The following LMAN1 variants were observed in gnomAD, a reference collection of about 807,000 sequenced individuals.
LMAN1 encodes lectin, mannose binding 1, also known as protein ERGIC-53.
Under a neutral mutation model 67.8 loss-of-function variants are expected in LMAN1, and 32 were observed. That is an observed-to-expected ratio of 0.47 (90% CI 0.36 to 0.63). The LOEUF is 0.63. LMAN1 is among the 30% of genes least tolerant of loss of function. LMAN1 has a pLI of 0.00. For synonymous variants in LMAN1, 235 were observed against 219.3 expected (o/e 1.07, Z -0.63); for missense variants, 632 against 628.2 (o/e 1.01, Z -0.06).
chr18:59,359,042 G>A lies in LMAN1; in HGVS notation c.203C>T (p.Ala68Val), dbSNP rs1908733104. Reference protein sequence around the residue: ...VQSDGTVPFWAHAGNAIPSSD... With the variant: ...VQSDGTVPFWVHAGNAIPSSD... ...CTGCTCCGGCTTACTCCCCGCGTGG[G>A]CCCAGAAGGGCACGGTCCCGTCGCT... Residue 68 changes from alanine to valine, a missense_variant, in exon 1 of 13, where the codon GCC becomes GTC. Coordinates refer to ENST00000251047, the MANE Select transcript of LMAN1 (RefSeq NM_005570.4). 1 of 1,613,942 alleles carries A rather than the reference G, an allele frequency of 6.2e-7. No individual in the cohort carries two copies. Among genetic ancestry groups the A allele is most frequent in the Non-Finnish European group, 8.5e-7 (1 of 1,179,972 alleles).
intron 7 of LMAN1, among the ~76,000 whole-genome samples, chr18:59,347,087 C>T (rs1014047413): frequency 2.6e-5 from 4 of 151,764 alleles, no homozygotes; most frequent in African/African-American, 7.2e-5. Flanking sequence ...AGAAATTAGC[C>T]GGGTGTGGTG....
At chr18:59,344,996 A>G (rs1908368046) in intron 8 of LMAN1, among the ~76,000 whole-genome samples, 1 of 152,190 alleles carries the variant, frequency 6.6e-6, no homozygotes, top group Non-Finnish European at 1.5e-5. Flanking sequence ...GATCGGGGTG[A>G]TGGTTAAATG....
chr18:59,355,389 T>A lies in LMAN1; in HGVS notation c.401A>T (p.Glu134Val), dbSNP rs1908637564. Reference sequence around the variant, plus strand: ...ATCAGCTGATCCAAACACAGGGCCCTCCAAGCCTTGATTTTCTGCATACCA... The same window carrying A: ...ATCAGCTGATCCAAACACAGGGCCCACCAAGCCTTGATTTTCTGCATACCA... The part of the protein sequence containing the change: ...AIWYAENQGL[E>V]GPVFGSADLW... Residue 134 changes from glutamate (E) to valine (V), a missense_variant, in exon 3 of 13, where the codon GAG becomes GTG. Coordinates refer to ENST00000251047, the MANE Select transcript of LMAN1 (RefSeq NM_005570.4). 1.9e-6 allele frequency: 3 copies of A among 1,612,078 alleles called. No individual in the cohort carries two copies. In the South Asian group the frequency reaches 3.3e-5, roughly 18 times the overall value.
intron 5 of LMAN1, among the ~76,000 whole-genome samples, chr18:59,350,731 G>A (rs1272270591): frequency 6.6e-6 from 1 of 151,998 alleles, no homozygotes; most frequent in Admixed American, 6.6e-5. Context: ...TCCTGACCTC[G>A]TGATCCGCCC....
intron 8 of LMAN1, among the ~76,000 whole-genome samples, chr18:59,343,714 G>C (rs1908338360): frequency 6.6e-6 from 1 of 152,008 alleles, no homozygotes; most frequent in African/African-American, 2.4e-5. Flanking sequence ...GAAAACTGAG[G>C]AAAGACTCTT....
rs1196959346 is a variant in LMAN1 at position 59,345,921 on chromosome 18, G to C, written c.953C>G (p.Pro318Arg). Residue 318 changes from proline (P) to arginine (R), a missense_variant and splice_region_variant, in exon 8 of 13, where the codon CCT becomes CGT. Pro to Arg is a moderately radical substitution (Grantham distance 103). Transcript: ENST00000251047. The part of the protein sequence containing the change: ...QKGHPDLQGQ[P>R]AEEIFESVGD... ...ATGTCAGCTTTGCTACAACTCACCAGGCTGCCCTTGGAGGTCGGGGTGGCC... is the reference window on the plus strand; with the variant it reads ...ATGTCAGCTTTGCTACAACTCACCACGCTGCCCTTGGAGGTCGGGGTGGCC... 2.5e-6 allele frequency: 4 copies of C among 1,613,826 alleles called. No individual in the cohort carries two copies. In the African/African-American group the frequency reaches 4.0e-5, roughly 16 times the overall value.
chr18:59,331,676 C>A (rs1200749549), intron 11 of LMAN1, 137 bp from the exon 12 acceptor site: 3 of 951,564 alleles, frequency 3.2e-6, no homozygotes, highest in African/African-American at 1.7e-5. Flanking sequence ...AACCTTCTAT[C>A]CCCTTAACTT....
chr18:59,358,161 T>C (rs1908704689), intron 1 of LMAN1, among the ~76,000 whole-genome samples: 1 of 152,212 alleles, frequency 6.6e-6, no homozygotes, highest in African/African-American at 2.4e-5. Flanking sequence ...AAAGTGCAGA[T>C]ATGTTTTCTT....
intron 1 of LMAN1, 91 bp downstream of exon 1, chr18:59,358,940 C>T: frequency 7.5e-7 from 1 of 1,326,206 alleles, no homozygotes; most frequent in Non-Finnish European, 1.1e-6. Context: ...GGAACGGGAA[C>T]CTCAGCACAC....
intron 5 of LMAN1, chr18:59,351,426 C>T (rs991832306): frequency 6.6e-6 from 1 of 152,062 alleles, no homozygotes; most frequent in African/African-American, 2.4e-5. Context: ...CTGAGATGTA[C>T]AGAGAGGTGA....
intron 11 of LMAN1, among the ~76,000 whole-genome samples, chr18:59,331,831 C>T (rs933932104): frequency 5.3e-5 from 8 of 152,060 alleles, no homozygotes; most frequent in Admixed American, 1.3e-4. Flanking sequence ...CTGAGACTAG[C>T]GTCACCACAG....
chr18:59,341,530 A>T (rs1908285893), intron 8 of LMAN1, among the ~76,000 whole-genome samples: 1 of 152,186 alleles, frequency 6.6e-6, no homozygotes, highest in South Asian at 2.1e-4. Context: ...TGAATCTAGA[A>T]ATCAATACTA....
chr18:59,352,681 A>G, intron 5 of LMAN1: 1 of 175,690 alleles, frequency 5.7e-6, no homozygotes, highest in Non-Finnish European at 1.2e-5. Flanking sequence ...ATCTCCCTGT[A>G]GGGCACAGCT....
At chr18:59,332,156 G>A (rs1280722609) in intron 11 of LMAN1, among the ~76,000 whole-genome samples, 2 of 152,124 alleles carry the variant, frequency 1.3e-5, no homozygotes, top group African/African-American at 4.8e-5. Flanking sequence ...TCTAAGATTA[G>A]TTGTTCCCAA....
At chr18:59,331,792 A>G (rs1379926279) in intron 11 of LMAN1, among the ~76,000 whole-genome samples, 1 of 152,122 alleles carries the variant, frequency 6.6e-6, no homozygotes, top group Non-Finnish European at 1.5e-5. Context: ...GCATTACAGT[A>G]TATGATGATG....
In LMAN1 at chr18:59,328,999, CA is replaced by C. The variant is rs1202669430; in HGVS notation, c.*2093del. 1 of 152,082 alleles carries C rather than the reference CA, an allele frequency of 6.6e-6. No individual in the cohort carries two copies. Among genetic ancestry groups the C allele is most frequent in the Non-Finnish European group, 1.5e-5 (1 of 67,996 alleles). 9.4% of individuals were successfully genotyped at this position (152,082 alleles called of 1,614,324 possible). A position where few individuals can be genotyped will look rare whatever the true frequency, so the allele number is the denominator to read the frequency against. ...CACTTGCTGGTGTGAGAGAAGTGAA[CA>C]AATTCAATTATACAAAATAGTACAG... On this transcript the variant is annotated 3_prime_UTR_variant, in exon 13 of 13. Coordinates refer to ENST00000251047, the MANE Select transcript of LMAN1 (RefSeq NM_005570.4).
chr18:59,358,435 A>G (rs1908710825), intron 1 of LMAN1, among the ~76,000 whole-genome samples: 2 of 152,236 alleles, frequency 1.3e-5, no homozygotes, highest in Admixed American at 1.3e-4. Flanking sequence ...GTGTAGTTCC[A>G]ACAGTATAAG....
chr18:59,351,516 T>C (rs1034050643), intron 5 of LMAN1: 7 of 152,196 alleles, frequency 4.6e-5, no homozygotes, highest in East Asian at 1.9e-4. Context: ...TGATCACTCA[T>C]AGACATTAGG....
chr18:59,351,761 C>A (rs1908547970), intron 5 of LMAN1, among the ~76,000 whole-genome samples: 1 of 152,202 alleles, frequency 6.6e-6, no homozygotes, highest in Non-Finnish European at 1.5e-5. Flanking sequence ...CACGGACAGT[C>A]TGCACCCACC....
Sources: allele counts gnomAD v4.1 joint callset (sites outside exome capture counted in the v4.1 genomes callset), GRCh38; gene constraint gnomAD v4.1.1; transcripts MANE v1.5; gene names NCBI Gene and HGNC (gene_info 2026-07-23, HGNC 2026-07-21).